Variants in HS3ST3A1 observed in about 807,000 individuals in gnomAD.
The protein encoded by HS3ST3A1 is heparan sulfate-glucosamine 3-sulfotransferase 3A1.
Under a neutral mutation model 25.7 loss-of-function variants are expected in HS3ST3A1, and 19 were observed. The ratio of observed to expected loss-of-function variants is 0.74; its 90% CI spans 0.52 to 1.08. The LOEUF (loss-of-function observed/expected upper bound fraction) is 1.08. HS3ST3A1 is among the 50% of genes least tolerant of loss of function. The pLI, the probability that HS3ST3A1 is intolerant of heterozygous loss-of-function variation, is 0.00. For synonymous variants in HS3ST3A1, 226 were observed against 278.6 expected, an observed-to-expected ratio of 0.81 and a Z score of 1.88; for missense variants, 459 against 594.3, an observed-to-expected ratio of 0.77 and a Z score of 2.37.
At chr17:13,496,957 G>A (rs1009332248) in intron 1 of HS3ST3A1, 139 bp from the exon 2 acceptor site, 23 of 1,137,632 alleles carry the variant, frequency 2.0e-5, no homozygotes, top group South Asian at 3.2e-5. Flanking sequence ...TGGTGACGTC[G>A]CACAACGAGC....
At chr17:13,550,082 A>C (rs1440029387) in intron 1 of HS3ST3A1, among the ~76,000 whole-genome samples, 1 of 152,194 alleles carries the variant, frequency 6.6e-6, no homozygotes, top group East Asian at 1.9e-4. Flanking sequence ...GAATTTGCTA[A>C]ATGTTGTATA....
intron 1 of HS3ST3A1, among the ~76,000 whole-genome samples, chr17:13,569,285 C>CTGT (rs1472457275): frequency 2.6e-5 from 4 of 152,158 alleles, no homozygotes; most frequent in Admixed American, 6.5e-5. Context: ...GTTGTGGTAG[C>CTGT]TGTTACATTT....
In HS3ST3A1 at chr17:13,498,592, G is replaced by C. The variant is rs186168705; in HGVS notation, c.600-1774C>G. Among the ~76,000 whole-genome samples, 259 of 152,324 alleles carry C rather than the reference G, an allele frequency of 1.7e-3. 1 individual carries two copies. Among genetic ancestry groups the C allele is most frequent in the African/African-American group, 5.9e-3 (246 of 41,580 alleles). ...TAGGTCATAAGACCTTCATTCCTGA[G>C]AGGGTCCTGCCCCGTACCTAGAAGG... On this transcript the variant is annotated intron_variant, in intron 1 of 1. Coordinates refer to ENST00000284110, the MANE Select transcript of HS3ST3A1 (RefSeq NM_006042.3).
intron 1 of HS3ST3A1, among the ~76,000 whole-genome samples, chr17:13,510,719 T>G (rs1905834188): frequency 6.6e-6 from 1 of 152,010 alleles, no homozygotes; most frequent in Non-Finnish European, 1.5e-5. Context: ...TTTTTTTTTT[T>G]TTTTATACGA....
At chr17:13,573,185 A>C (rs1480119995) in intron 1 of HS3ST3A1, among the ~76,000 whole-genome samples, 1 of 152,108 alleles carries the variant, frequency 6.6e-6, no homozygotes, top group Non-Finnish European at 1.5e-5. Context: ...CCTCTATGGC[A>C]TTACAGTTGC....
chr17:13,598,669 T>TTTTC (rs1216616917), intron 1 of HS3ST3A1, among the ~76,000 whole-genome samples: 3 of 152,010 alleles, frequency 2.0e-5, no homozygotes, highest in Non-Finnish European at 1.5e-5. Context: ...GACTCTTTTT[T>TTTTC]TTTCTTTCTT....
At chr17:13,518,335 T>TTGAG (rs1190402482) in intron 1 of HS3ST3A1, among the ~76,000 whole-genome samples, 3 of 152,252 alleles carry the variant, frequency 2.0e-5, no homozygotes, top group Non-Finnish European at 2.9e-5. Flanking sequence ...GTTAAAAAGA[T>TTGAG]TGAGTTACAT....
chr17:13,516,133 AG>A (rs1906045292), intron 1 of HS3ST3A1, among the ~76,000 whole-genome samples: 1 of 152,072 alleles, frequency 6.6e-6, no homozygotes, highest in African/African-American at 2.4e-5. Flanking sequence ...ACATGGAGAA[AG>A]CCCGTTGCTA....
intron 1 of HS3ST3A1, among the ~76,000 whole-genome samples, chr17:13,564,806 T>C (rs59421938): frequency 0.042 from 6,289 of 149,600 alleles, 279 homozygotes; most frequent in East Asian, 0.13. Flanking sequence ...TCACTGCAAC[T>C]TCCACCTCCC....
intron 1 of HS3ST3A1, among the ~76,000 whole-genome samples, chr17:13,573,593 CA>C (rs994196756): frequency 6.6e-6 from 1 of 152,164 alleles, no homozygotes; most frequent in African/African-American, 2.4e-5. Flanking sequence ...GCCACCAGCC[CA>C]AAAGACAGTA....
chr17:13,547,737 G>A (rs1907126088), intron 1 of HS3ST3A1, among the ~76,000 whole-genome samples: 1 of 152,092 alleles, frequency 6.6e-6, no homozygotes, highest in South Asian at 2.1e-4. Flanking sequence ...GGGGTTATGA[G>A]AACCCTTGAT....
At chr17:13,504,210 G>A (rs1255312367) in intron 1 of HS3ST3A1, among the ~76,000 whole-genome samples, 2 of 152,216 alleles carry the variant, frequency 1.3e-5, no homozygotes, top group African/African-American at 4.8e-5. Flanking sequence ...CCAGCTACTC[G>A]GGAGGCTGAG....
rs1239658548 is a variant in HS3ST3A1 at position 13,496,547 on chromosome 17, A to C, written c.871T>G (p.Tyr291Asp). Residue 291 changes from tyrosine (Y) to aspartate (D), a missense_variant, in exon 2 of 2, where the codon TAC (tyrosine) becomes GAC (aspartate). This residue lies in a region of HS3ST3A1 where 67 missense variants were observed against 231.4 expected (regional missense o/e 0.29). Transcript: ENST00000284110. ...TSWSAIQIGI[Y>D]AKHLEHWLRH... ...AGCCAGTGCTCCAGGTGCTTGGCGT[A>C]GATGCCGATCTGGATGGCGCTCCAC... 3.9e-6 allele frequency: 6 copies of C among 1,549,732 alleles called. No homozygotes were observed. In the African/African-American group the frequency reaches 7.0e-5, roughly 18 times the overall value.
chr17:13,593,252 A>AAAAAAAAAAAAG (rs1567632567), intron 1 of HS3ST3A1, among the ~76,000 whole-genome samples: 1 of 151,058 alleles, frequency 6.6e-6, no homozygotes, highest in African/African-American at 2.4e-5. Context: ...AAAAAAAAAA[A>AAAAAAAAAAAAG]AGTCATACGC....
At chr17:13,532,557 G>C (rs1906634292) in intron 1 of HS3ST3A1, among the ~76,000 whole-genome samples, 3 of 152,018 alleles carry the variant, frequency 2.0e-5, no homozygotes, top group South Asian at 4.1e-4. Flanking sequence ...GGAGAGTCCA[G>C]GGCCCGAGGG....
chr17:13,505,413 C>T (rs1328425959), intron 1 of HS3ST3A1, among the ~76,000 whole-genome samples: 1 of 152,000 alleles, frequency 6.6e-6, no homozygotes, highest in Non-Finnish European at 1.5e-5. Context: ...ACTTGATTAA[C>T]GTCAGTGATA....
intron 1 of HS3ST3A1, among the ~76,000 whole-genome samples, chr17:13,517,899 C>A (rs1906106596): frequency 6.6e-6 from 1 of 152,174 alleles, no homozygotes; most frequent in African/African-American, 2.4e-5. Context: ...TGGCCTCGGC[C>A]TCCCAAAGTG....
intron 1 of HS3ST3A1, among the ~76,000 whole-genome samples, chr17:13,572,457 G>C (rs1206730507): frequency 1.3e-5 from 2 of 152,148 alleles, no homozygotes; most frequent in Non-Finnish European, 2.9e-5. Context: ...TGTAAATGGA[G>C]GCTTAGAGAA....
chr17:13,528,947 C>T (rs886580250), intron 1 of HS3ST3A1, among the ~76,000 whole-genome samples: 1 of 151,572 alleles, frequency 6.6e-6, no homozygotes, highest in South Asian at 2.1e-4. Flanking sequence ...GGGGATGAAG[C>T]GGGGAGATAA....
Sources: allele counts gnomAD v4.1 joint callset (sites outside exome capture counted in the v4.1 genomes callset), GRCh38; gene constraint gnomAD v4.1.1; regional missense constraint gnomAD v4.1.1; transcripts MANE v1.5; gene names NCBI Gene and HGNC (gene_info 2026-07-23, HGNC 2026-07-21).